Variants in CCDC93 observed in about 807,000 individuals in gnomAD.
The protein encoded by CCDC93 is coiled-coil domain-containing protein 93.
CCDC93 carries 61 observed loss-of-function variants against 108.2 expected under a neutral mutation model. The ratio of observed to expected loss-of-function variants is 0.56; its 90% CI spans 0.46 to 0.70. The LOEUF (loss-of-function observed/expected upper bound fraction) is 0.70, where lower values mean the gene tolerates loss of function less well. Ranked by LOEUF, CCDC93 falls within the 30% of genes least tolerant of loss-of-function variation. The pLI, the probability that CCDC93 is intolerant of heterozygous loss-of-function variation, is 0.00. For synonymous variants in CCDC93, 276 were observed against 260.4 expected (o/e 1.06, Z -0.58); for missense variants, 685 against 764.2 (o/e 0.90, Z 1.22).
chr2:117,942,762 A>C (rs1450796375), intron 18 of CCDC93, among the ~76,000 whole-genome samples: 1 of 152,200 alleles, frequency 6.6e-6, no homozygotes, highest in African/African-American at 2.4e-5. Context: ...GCAGACACCC[A>C]AATCTCCAGG....
chr2:117,984,092 AGAG>A (rs992175912), intron 7 of CCDC93, among the ~76,000 whole-genome samples: 49 of 152,274 alleles, frequency 3.2e-4, no homozygotes, highest in South Asian at 1.9e-3. Flanking sequence ...TTAGTCTCAA[AGAG>A]GAGAATGAGC....
intron 7 of CCDC93, among the ~76,000 whole-genome samples, chr2:117,982,215 G>C (rs72838023): frequency 0.053 from 8,034 of 152,052 alleles, 288 homozygotes; most frequent in Non-Finnish European, 0.082. Flanking sequence ...CCAGCATTCT[G>C]GTGGCTGTGC....
chr2:118,004,645 G>T (rs1482235009), intron 3 of CCDC93, among the ~76,000 whole-genome samples: 1 of 152,184 alleles, frequency 6.6e-6, no homozygotes, highest in Non-Finnish European at 1.5e-5. Context: ...ATTTTTAGAT[G>T]ACTCAGTACC....
At chr2:117,975,735 G>A (rs1679924002) in intron 8 of CCDC93, among the ~76,000 whole-genome samples, 2 of 152,202 alleles carry the variant, frequency 1.3e-5, no homozygotes, top group South Asian at 4.1e-4. Flanking sequence ...GAGGGGTTAG[G>A]TACTGCTTAC....
chr2:117,984,801 G>A (rs1680263355), intron 7 of CCDC93, among the ~76,000 whole-genome samples: 1 of 152,126 alleles, frequency 6.6e-6, no homozygotes, highest in Admixed American at 6.5e-5. Flanking sequence ...ACTTACAGCT[G>A]GGCATGGCTA....
chr2:117,935,592 C>T lies in CCDC93; in HGVS notation c.1644-13G>A, dbSNP rs1283353296. The T allele has an allele frequency of 3.7e-6, 6 of 1,602,188 alleles. No homozygotes were observed. Among genetic ancestry groups the T allele is most frequent in the Non-Finnish European group, 5.1e-6 (6 of 1,169,394 alleles). On this transcript the variant is annotated splice_polypyrimidine_tract_variant and intron_variant, in intron 21 of 23. Coordinates refer to ENST00000376300, the MANE Select transcript of CCDC93 (RefSeq NM_019044.5). ...GGAGGCCATGGCCCTGAAAGAAAAA[C>T]CAGTAGAGTTATGACCGGCACACAG... is the stretch of plus-strand genomic sequence containing the variant.
intron 11 of CCDC93, among the ~76,000 whole-genome samples, chr2:117,963,614 A>G (rs1679462324): frequency 6.6e-6 from 1 of 152,184 alleles, no homozygotes; most frequent in Non-Finnish European, 1.5e-5. Context: ...AACCTTGTTG[A>G]GTCTAAGGCT....
rs567902763 is a variant in CCDC93, at chr2:118,003,480, C to G, written c.252-2548G>C. Among the ~76,000 whole-genome samples the G allele has an allele frequency of 7.2e-5, 11 of 152,272 alleles. No homozygotes were observed. In the South Asian group the frequency reaches 2.1e-3, roughly 29 times the overall value. ...ATGCAGGGGCACGTGATCAATACAG[C>G]CTTTCCTTAGTTACATTTTGGTTCA... On this transcript the variant is annotated intron_variant, in intron 3 of 23. Coordinates refer to ENST00000376300, the MANE Select transcript of CCDC93 (RefSeq NM_019044.5).
chr2:117,991,762 T>G (rs189454394), intron 6 of CCDC93, among the ~76,000 whole-genome samples: 7 of 152,360 alleles, frequency 4.6e-5, no homozygotes, highest in African/African-American at 1.7e-4. Context: ...GACCTTATTT[T>G]ATTCCTTAAT....
intron 1 of CCDC93, among the ~76,000 whole-genome samples, chr2:118,011,129 T>C (rs1677010852): frequency 6.6e-6 from 1 of 152,222 alleles, no homozygotes; most frequent in Admixed American, 6.5e-5. Context: ...AATGATCTAC[T>C]AATGCTTACA....
chr2:117,936,489 C>A (rs552470128), intron 21 of CCDC93: 10 of 506,154 alleles, frequency 2.0e-5, no homozygotes, highest in Non-Finnish European at 3.2e-5. Context: ...TTCGTCAGCT[C>A]TTCCTTCACT....
At chr2:118,009,683 CA>C (rs1265922112) in intron 1 of CCDC93, among the ~76,000 whole-genome samples, 1 of 151,992 alleles carries the variant, frequency 6.6e-6, no homozygotes, top group Admixed American at 6.6e-5. Context: ...AAAAAACAAA[CA>C]AACAAAAAAA....
At chr2:118,010,647 C>A (rs1558809204) in intron 1 of CCDC93, among the ~76,000 whole-genome samples, 3 of 152,178 alleles carry the variant, frequency 2.0e-5, no homozygotes, top group Admixed American at 2.0e-4. Flanking sequence ...TTCATGTTAT[C>A]CCTCTTTAGC....
At chr2:117,947,979 C>T in intron 15 of CCDC93, 126 bp downstream of exon 15, 1 of 737,878 alleles carries the variant, frequency 1.4e-6, no homozygotes, top group South Asian at 1.7e-5. Flanking sequence ...CAGGCATGAG[C>T]CACTGCGCCT....
At chr2:117,995,028 G>GC (rs1680601150) in intron 6 of CCDC93, among the ~76,000 whole-genome samples, 1 of 152,134 alleles carries the variant, frequency 6.6e-6, no homozygotes, top group East Asian at 1.9e-4. Flanking sequence ...GGGGACAAAC[G>GC]CCATCCCAGA....
chr2:117,946,054 T>A (rs1678861891), intron 16 of CCDC93, among the ~76,000 whole-genome samples: 1 of 152,190 alleles, frequency 6.6e-6, no homozygotes. Flanking sequence ...TGAAGAGTTG[T>A]ATGGCTCGGG....
At chr2:117,946,714 A>G (rs901774581) in intron 16 of CCDC93, 97 bp downstream of exon 16, 1 of 791,680 alleles carries the variant, frequency 1.3e-6, no homozygotes. Context: ...TATTTACAGG[A>G]TAAGTTAGCA....
chr2:117,954,514 G>A (rs552406026), intron 12 of CCDC93, among the ~76,000 whole-genome samples: 8 of 152,094 alleles, frequency 5.3e-5, no homozygotes, highest in Non-Finnish European at 7.4e-5. Flanking sequence ...TTTTTATCTT[G>A]CTGGAGTCCT....
At position 117,986,489 on chromosome 2, in the gene CCDC93, G is replaced by C. The variant is rs778484369; in HGVS notation, c.520-420C>G. 3.4e-4 allele frequency among the ~76,000 whole-genome samples: 52 copies of C among 152,034 alleles called. 1 individual carries two copies. Among genetic ancestry groups the C allele is most frequent in the Admixed American group, 2.0e-4 (3 of 15,258 alleles). On this transcript the variant is annotated intron_variant, in intron 6 of 23. Coordinates refer to ENST00000376300, the MANE Select transcript of CCDC93 (RefSeq NM_019044.5). ...AGGTAGGCAGCTGCTATGCCAGCAA[G>C]GTATTCGGGCTGCTTGTCCCCACAT...
Sources: allele counts gnomAD v4.1 joint callset (sites outside exome capture counted in the v4.1 genomes callset), GRCh38; gene constraint gnomAD v4.1.1; transcripts MANE v1.5; gene names NCBI Gene and HGNC (gene_info 2026-07-23, HGNC 2026-07-21).